The following LRMDA variants were observed in gnomAD, a reference collection of about 807,000 sequenced individuals.
LRMDA encodes the protein leucine rich melanocyte differentiation associated.
In LRMDA, 18 loss-of-function variants were observed where a neutral mutation model predicts 29.8. That is an observed-to-expected ratio of 0.60 (90% CI 0.42 to 0.90). The LOEUF is 0.90. LRMDA is among the 40% of genes least tolerant of loss of function. The pLI is 0.00. For synonymous variants in LRMDA, 125 were observed against 109.4 expected, an observed-to-expected ratio of 1.14 and a Z score of -0.89; for missense variants, 273 against 273.9, an observed-to-expected ratio of 1.00 and a Z score of 0.02.
At chr10:76,250,603 G>T (rs565327551) in intron 5 of LRMDA, among the ~76,000 whole-genome samples, 21 of 152,150 alleles carry the variant, frequency 1.4e-4, no homozygotes, top group Admixed American at 9.2e-4. Context: ...GAAGAAGCAG[G>T]ACTGAGGTCA....
chr10:75,561,363 G>A (rs1475429307), intron 2 of LRMDA, among the ~76,000 whole-genome samples: 3 of 148,028 alleles, frequency 2.0e-5, no homozygotes, highest in Admixed American at 6.8e-5. Flanking sequence ...TTGTATTTCT[G>A]TGGGATCAAT....
chr10:76,045,951 C>G (rs1848431571), intron 3 of LRMDA, among the ~76,000 whole-genome samples: 1 of 152,214 alleles, frequency 6.6e-6, no homozygotes, highest in African/African-American at 2.4e-5. Context: ...AACATCCTCA[C>G]AGAGCAAGAA....
At chr10:76,106,193 C>T (rs185585456) in intron 5 of LRMDA, among the ~76,000 whole-genome samples, 1 of 152,308 alleles carries the variant, frequency 6.6e-6, no homozygotes, top group East Asian at 1.9e-4. Flanking sequence ...TGAAATAATT[C>T]TTCTGCTTTT....
chr10:75,713,784 T>C (rs1203815986), intron 2 of LRMDA, among the ~76,000 whole-genome samples: 1 of 152,132 alleles, frequency 6.6e-6, no homozygotes, highest in East Asian at 1.9e-4. Flanking sequence ...CTTAATCCAC[T>C]TTCCACCCCA....
intron 5 of LRMDA, among the ~76,000 whole-genome samples, chr10:76,280,628 T>A (rs948027759): frequency 6.6e-6 from 1 of 152,126 alleles, no homozygotes; most frequent in Admixed American, 6.5e-5. Context: ...GGAGAGAATG[T>A]ATTTGCCTCC....
chr10:76,399,547 A>G (rs924913654), intron 6 of LRMDA, among the ~76,000 whole-genome samples: 24 of 152,180 alleles, frequency 1.6e-4, no homozygotes, highest in Non-Finnish European at 3.1e-4. Flanking sequence ...TCAAATATAG[A>G]TTTCCAGCCT....
chr10:75,674,370 T>C (rs1564536882), intron 2 of LRMDA, among the ~76,000 whole-genome samples: 1 of 152,058 alleles, frequency 6.6e-6, no homozygotes, highest in Non-Finnish European at 1.5e-5. Context: ...CAGATAAGAG[T>C]GATAAGGTAG....
At chr10:76,209,339 T>A (rs1022692147) in intron 5 of LRMDA, among the ~76,000 whole-genome samples, 1 of 152,070 alleles carries the variant, frequency 6.6e-6, no homozygotes, top group African/African-American at 2.4e-5. Context: ...CAGGCCCAGC[T>A]GAGACCCAGG....
At chr10:76,168,348 T>C (rs1850777457) in intron 5 of LRMDA, among the ~76,000 whole-genome samples, 1 of 152,184 alleles carries the variant, frequency 6.6e-6, no homozygotes, top group African/African-American at 2.4e-5. Flanking sequence ...ATTTCCTATG[T>C]TGATTGGGAA....
chr10:75,447,156 A>G (rs892858967), intron 2 of LRMDA, among the ~76,000 whole-genome samples: 2 of 152,218 alleles, frequency 1.3e-5, no homozygotes, highest in Non-Finnish European at 2.9e-5. Context: ...GCAAGGTTCT[A>G]TGTATGTTAG....
At chr10:75,760,102 T>C (rs543068584) in intron 2 of LRMDA, among the ~76,000 whole-genome samples, 8 of 152,368 alleles carry the variant, frequency 5.3e-5, no homozygotes, top group East Asian at 1.9e-4. Context: ...GTGTATTTGC[T>C]CATGGGAAAG....
At chr10:76,364,400 A>G (rs1230965773) in intron 6 of LRMDA, among the ~76,000 whole-genome samples, 3 of 152,072 alleles carry the variant, frequency 2.0e-5, no homozygotes, top group Non-Finnish European at 4.4e-5. Flanking sequence ...AACTATATGG[A>G]CGTTAGGGAT....
chr10:75,708,206 C>CCACTAG (rs1842392413), intron 2 of LRMDA, among the ~76,000 whole-genome samples: 1 of 152,192 alleles, frequency 6.6e-6, no homozygotes, highest in South Asian at 2.1e-4. Context: ...CTGTCTGCTG[C>CCACTAG]CACTAGCAGG....
At chr10:76,333,443 G>A (rs889076478) in intron 6 of LRMDA, among the ~76,000 whole-genome samples, 3 of 152,132 alleles carry the variant, frequency 2.0e-5, no homozygotes, top group African/African-American at 7.2e-5. Context: ...AGACTGTGAT[G>A]CCTCCAAAGA....
intron 6 of LRMDA, among the ~76,000 whole-genome samples, chr10:76,361,287 A>G (rs1209423269): frequency 1.3e-5 from 2 of 151,516 alleles, no homozygotes; most frequent in African/African-American, 4.8e-5. Flanking sequence ...AAAAATCAGG[A>G]TTAAATGAAG....
At chr10:75,567,147 A>AT (rs369906995) in intron 2 of LRMDA, among the ~76,000 whole-genome samples, 31 of 150,526 alleles carry the variant, frequency 2.1e-4, no homozygotes, top group South Asian at 2.1e-4. Flanking sequence ...GCTATTAGTT[A>AT]TTTTTTTTTC....
chr10:75,937,435 C>T (rs1388548382), intron 2 of LRMDA, among the ~76,000 whole-genome samples: 1 of 152,168 alleles, frequency 6.6e-6, no homozygotes, highest in East Asian at 1.9e-4. Flanking sequence ...AGGGTTATCC[C>T]CAAGCCTTGT....
chr10:75,500,847 C>A (rs1244065589), intron 2 of LRMDA, among the ~76,000 whole-genome samples: 1 of 152,192 alleles, frequency 6.6e-6, no homozygotes, highest in Non-Finnish European at 1.5e-5. Context: ...CCCACCAGGT[C>A]CCTCGCTCGA....
chr10:76,041,754 C>G (rs1057003630), intron 3 of LRMDA, among the ~76,000 whole-genome samples: 1 of 152,098 alleles, frequency 6.6e-6, no homozygotes, highest in African/African-American at 2.4e-5. Flanking sequence ...GCAAGCCTCC[C>G]CATGACAGCT....
Sources: gnomAD v4.1 joint callset for allele counts (sites outside exome capture counted in the v4.1 genomes callset) on GRCh38, gnomAD v4.1.1 for gene constraint, MANE v1.5 for transcripts, NCBI Gene and HGNC (gene_info 2026-07-23, HGNC 2026-07-21) for gene names.